Variants in SHISAL1 observed in about 807,000 individuals in gnomAD.
SHISAL1 encodes the protein protein shisa-like-1.
SHISAL1 carries 9 observed loss-of-function variants against 22.6 expected under a neutral mutation model. The ratio of observed to expected loss-of-function variants is 0.40; its 90% CI spans 0.24 to 0.70. The LOEUF (loss-of-function observed/expected upper bound fraction) is 0.70. SHISAL1 is among the 30% of genes least tolerant of loss of function. The pLI is 0.39. For missense variants in SHISAL1, 246 were observed against 270.6 expected, an observed-to-expected ratio of 0.91 and a Z score of 0.64; for synonymous variants, 119 against 115.4, an observed-to-expected ratio of 1.03 and a Z score of -0.20.
intron 4 of SHISAL1, among the ~76,000 whole-genome samples, chr22:44,258,515 T>C (rs2055099865): frequency 6.6e-6 from 1 of 152,190 alleles, no homozygotes; most frequent in African/African-American, 2.4e-5. Context: ...TTCCCCTCTA[T>C]GTATCCATGT....
chr22:44,323,460 T>TCATC, the SHISAL1 span, among the ~76,000 whole-genome samples: 2 of 72,390 alleles, frequency 2.8e-5, no homozygotes, highest in African/African-American at 6.0e-5. Flanking sequence ...ATCCATCCAT[T>TCATC]CATCCATCCA....
the SHISAL1 span, among the ~76,000 whole-genome samples, chr22:44,330,628 T>C: frequency 6.6e-6 from 1 of 152,024 alleles, no homozygotes; most frequent in African/African-American, 2.4e-5. Context: ...GAGGTAACAG[T>C]TGCAGGCGCC....
intron 3 of SHISAL1, among the ~76,000 whole-genome samples, chr22:44,292,192 C>T (rs929963203): frequency 2.0e-5 from 3 of 152,168 alleles, no homozygotes; most frequent in South Asian, 2.1e-4. Context: ...TGTGGCGGGG[C>T]GGGGGTCGGG....
chr22:44,311,306 G>A (rs914697577), intron 1 of SHISAL1, among the ~76,000 whole-genome samples: 6 of 152,198 alleles, frequency 3.9e-5, no homozygotes, highest in African/African-American at 1.2e-4. Flanking sequence ...AAGGGTGCTG[G>A]CCTGGGTGCT....
chr22:44,312,716 T>C (rs1165691089), intron 1 of SHISAL1, 35 bp downstream of exon 1: 1 of 152,248 alleles, frequency 6.6e-6, no homozygotes, highest in African/African-American at 2.4e-5. Context: ...CCCTGCACAG[T>C]GAGGACCTGG....
chr22:44,289,061 G>A (rs1403878646), intron 3 of SHISAL1, among the ~76,000 whole-genome samples: 1 of 152,244 alleles, frequency 6.6e-6, no homozygotes, highest in East Asian at 1.9e-4. Flanking sequence ...CTTCCCTGGA[G>A]TTTATAGGCT....
At chr22:44,304,856 C>T (rs2055459262) in intron 1 of SHISAL1, among the ~76,000 whole-genome samples, 1 of 151,988 alleles carries the variant, frequency 6.6e-6, no homozygotes, top group Non-Finnish European at 1.5e-5. Flanking sequence ...CTCCTCTGGC[C>T]CCCGTAGGGT....
At chr22:44,328,134 CA>C in the SHISAL1 span, among the ~76,000 whole-genome samples, 1 of 152,110 alleles carries the variant, frequency 6.6e-6, no homozygotes, top group Non-Finnish European at 1.5e-5. Flanking sequence ...GGCTCTGGGT[CA>C]GTAATATTGG....
At chr22:44,271,601 T>C (rs189457656) in intron 4 of SHISAL1, among the ~76,000 whole-genome samples, 1 of 152,322 alleles carries the variant, frequency 6.6e-6, no homozygotes, top group African/African-American at 2.4e-5. Flanking sequence ...AGGGTTTTAA[T>C]AGCAGGGGAA....
chr22:44,282,072 C>T lies in SHISAL1; in HGVS notation c.599+3356G>A, dbSNP rs550317343. Among the ~76,000 whole-genome samples, 4 of 152,328 alleles carry T rather than the reference C, an allele frequency of 2.6e-5. No homozygotes were observed. In the East Asian group the frequency reaches 5.8e-4, roughly 22 times the overall value. On this transcript the variant is annotated intron_variant, in intron 4 of 4. Transcript: ENST00000381176. ...TGGGGCTGAGCCACTGCCGCCAGGGCCTTCAATACTGCTGTTCAGCGGTGG... is the reference window on the plus strand; with the variant it reads ...TGGGGCTGAGCCACTGCCGCCAGGGTCTTCAATACTGCTGTTCAGCGGTGG...
chr22:44,276,565 G>A (rs2055241008), intron 4 of SHISAL1, among the ~76,000 whole-genome samples: 1 of 152,032 alleles, frequency 6.6e-6, no homozygotes, highest in African/African-American at 2.4e-5. Flanking sequence ...TGGAGGGGTG[G>A]GTATGGGGTG....
chr22:44,246,301 G>A lies in SHISAL1; in HGVS notation c.*3384C>T, dbSNP rs923640898. 6.6e-6 allele frequency: 1 copy of A among 152,218 alleles called. No individual in the cohort carries two copies. The highest frequency in any genetic ancestry group is 1.5e-5 in the Non-Finnish European group (1 of 68,040). The allele number at this position is 152,218 out of a possible 1,614,324, so 9.4% of individuals were successfully genotyped here. The stretch of plus-strand genomic sequence containing the variant: ...GTGGGAAACAGTCCTTACAAACGCG[G>A]TAGTTCTGCAAACAGCCTCGAATGC... On this transcript the variant is annotated 3_prime_UTR_variant, in exon 5 of 5. Coordinates refer to ENST00000381176, the MANE Select transcript of SHISAL1 (RefSeq NM_001099294.2).
chr22:44,301,757 G>C (rs924668917), intron 1 of SHISAL1, among the ~76,000 whole-genome samples: 1 of 152,164 alleles, frequency 6.6e-6, no homozygotes, highest in African/African-American at 2.4e-5. Context: ...TGCTACAGCA[G>C]GGGGATCCCA....
chr22:44,264,095 G>A (rs1003384301), intron 4 of SHISAL1, among the ~76,000 whole-genome samples: 1 of 152,146 alleles, frequency 6.6e-6, no homozygotes, highest in African/African-American at 2.4e-5. Flanking sequence ...CAATGCAAAG[G>A]GCACAGATCC....
chr22:44,262,133 C>T (rs2055129074), intron 4 of SHISAL1, among the ~76,000 whole-genome samples: 1 of 152,172 alleles, frequency 6.6e-6, no homozygotes, highest in African/African-American at 2.4e-5. Context: ...GGGGTCCTGG[C>T]CAGGGTGGGA....
chr22:44,293,443 G>A (rs2055366504), intron 3 of SHISAL1, among the ~76,000 whole-genome samples: 1 of 152,222 alleles, frequency 6.6e-6, no homozygotes, highest in African/African-American at 2.4e-5. Flanking sequence ...CCGGGTCAGT[G>A]GAGGCCATCG....
chr22:44,286,469 G>C (rs950121273), intron 3 of SHISAL1, among the ~76,000 whole-genome samples: 2 of 152,148 alleles, frequency 1.3e-5, no homozygotes, highest in Admixed American at 6.5e-5. Context: ...TGGCTCTCCC[G>C]GTGTCAGCCG....
intron 3 of SHISAL1, among the ~76,000 whole-genome samples, chr22:44,292,668 T>C (rs1450367616): frequency 1.3e-5 from 2 of 152,186 alleles, no homozygotes; most frequent in African/African-American, 4.8e-5. Flanking sequence ...GACCCAGGAC[T>C]TCAGCCCTGC....
At chr22:44,262,093 C>G (rs2055128751) in intron 4 of SHISAL1, among the ~76,000 whole-genome samples, 1 of 152,246 alleles carries the variant, frequency 6.6e-6, no homozygotes, top group Admixed American at 6.5e-5. Flanking sequence ...CAGACCCACA[C>G]TGTGTCAGCG....
Sources: allele counts gnomAD v4.1 joint callset (sites outside exome capture counted in the v4.1 genomes callset), GRCh38; gene constraint gnomAD v4.1.1; transcripts MANE v1.5; gene names NCBI Gene and HGNC (gene_info 2026-07-23, HGNC 2026-07-21).